EIF3B: variants seen among roughly 807,000 people sequenced by gnomAD.
EIF3B encodes the protein eukaryotic translation initiation factor 3 subunit 9.
In EIF3B, 10 loss-of-function variants were observed where a neutral mutation model predicts 104.6. That is an observed-to-expected ratio of 0.10 (90% CI 0.06 to 0.16). The LOEUF (loss-of-function observed/expected upper bound fraction) is 0.16. EIF3B is among the 10% of genes least tolerant of loss of function. EIF3B has a pLI of 1.00. For synonymous variants in EIF3B, 542 were observed against 417.2 expected (o/e 1.30, Z -3.65); for missense variants, 1,014 against 1,087.9 (o/e 0.93, Z 0.96).
chr7:2,369,170 A>G (rs1282717645), intron 9 of EIF3B, among the ~76,000 whole-genome samples: 2 of 152,214 alleles, frequency 1.3e-5, no homozygotes, highest in African/African-American at 4.8e-5. Context: ...CGGTGTCTTA[A>G]GAGTGGGCTG....
Position 2,363,105 on chromosome 7 carries a change from A to C in EIF3B, c.848A>C (p.Glu283Ala), listed in dbSNP as rs764959863. The C allele has an allele frequency of 6.2e-7, 1 of 1,614,068 alleles. No homozygotes were observed. The highest frequency in any genetic ancestry group is 1.1e-5 in the South Asian group (1 of 91,078). Residue 283 changes from glutamate to alanine, a missense_variant, in exon 4 of 19, where the codon GAG becomes GCG. This residue lies in a region of EIF3B where 488 missense variants were observed against 404.3 expected (regional missense o/e 1.21). Transcript: ENST00000360876. Reference protein sequence around the residue: ...MTISDEWDIPEKQPFKDLGNL... With the variant: ...MTISDEWDIPAKQPFKDLGNL... ...ATCAGTGACGAGTGGGATATTCCAG[A>C]GAAACAGCCTTTCAAAGACCTGGTG...
Position 2,354,897 on chromosome 7 carries a change from C to T in EIF3B, c.-25C>T, listed in dbSNP as rs1019506769. The stretch of plus-strand genomic sequence containing the variant: ...GTCGGAAGCGCGGCGGCCGCGGAGC[C>T]CTGCGAGTAGGCAGCGTTGGGCCCA... On this transcript the variant is annotated 5_prime_UTR_variant, in exon 1 of 19. Transcript: ENST00000360876. 10 of 1,176,588 alleles carry T rather than the reference C, an allele frequency of 8.5e-6. No individual in the cohort carries two copies. The highest frequency in any genetic ancestry group is 3.3e-5 in the African/African-American group (2 of 61,406). The allele number at this position is 1,176,588 out of a possible 1,614,324, so 72.9% of individuals were successfully genotyped here.
chr7:2,359,830 C>T (rs965430696), intron 1 of EIF3B, among the ~76,000 whole-genome samples: 2 of 152,140 alleles, frequency 1.3e-5, no homozygotes, highest in African/African-American at 4.8e-5. Context: ...GCTGGTGGCC[C>T]CTGGAGAACT....
At chr7:2,377,105 G>C (rs1255383601) in intron 15 of EIF3B, 30 bp downstream of exon 15, 1 of 1,576,260 alleles carries the variant, frequency 6.3e-7, no homozygotes, top group African/African-American at 1.4e-5. Flanking sequence ...CGGGTGCAGG[G>C]CACATGGAGG....
At chr7:2,355,455 C>T (rs768521349) in intron 1 of EIF3B, 35 bp downstream of exon 1, 9 of 1,410,452 alleles carry the variant, frequency 6.4e-6, no homozygotes, top group Middle Eastern at 1.9e-4. Flanking sequence ...GCGAGCGGCG[C>T]GGGAGCGTGG....
intron 1 of EIF3B, among the ~76,000 whole-genome samples, chr7:2,360,079 C>T (rs373505467): frequency 6.6e-6 from 1 of 152,172 alleles, no homozygotes; most frequent in Non-Finnish European, 1.5e-5. Context: ...TTCCCCATCC[C>T]CTGTGAATGG....
chr7:2,365,595 G>T (rs569069290), intron 6 of EIF3B, among the ~76,000 whole-genome samples: 1 of 152,230 alleles, frequency 6.6e-6, no homozygotes, highest in South Asian at 2.1e-4. Flanking sequence ...GGAGCCCCCA[G>T]GCTCTGAAGT....
intron 16 of EIF3B, 150 bp from the exon 17 acceptor site, chr7:2,378,984 G>T: frequency 2.6e-6 from 2 of 776,898 alleles, no homozygotes; most frequent in Non-Finnish European, 2.1e-6. Context: ...GGGCAGCGTT[G>T]GGGGAAAAGT....
At chr7:2,367,096 C>T in intron 9 of EIF3B, 51 bp downstream of exon 9, 1 of 731,004 alleles carries the variant, frequency 1.4e-6, no homozygotes, top group Middle Eastern at 3.1e-4. Flanking sequence ...CTGCTTAACA[C>T]AATACCAAAA....
chr7:2,355,392 G>A lies in EIF3B; in HGVS notation c.471G>A (p.Glu157=). 2.0e-6 allele frequency: 3 copies of A among 1,493,406 alleles called. No homozygotes were observed. The highest frequency in any genetic ancestry group is 1.4e-5 in the African/African-American group (1 of 70,170). The allele number at this position is 1,493,406 out of a possible 1,614,324, so 92.5% of individuals were successfully genotyped here. Residue 157 remains glutamate (E), a synonymous_variant, in exon 1 of 19, where the codon GAG becomes GAA. Coordinates refer to ENST00000360876, the MANE Select transcript of EIF3B (RefSeq NM_001037283.2). ...DADEPSFSDP[E]DFVDDVSEEE... ...ACGAGCCCTCCTTCAGCGACCCCGA[G>A]GACTTCGTGGACGACGTGAGCGAGG...
At position 2,364,500 on chromosome 7, in the gene EIF3B, T is replaced by C. The variant is rs61742669; in HGVS notation, c.1128T>C (p.Val376=). ...TTCAGAGATTCAGCCACCAAGGGGT[T>C]CAGCTTATTGACTTCTCACCTTGTG... ...KQIQRFSHQG[V]QLIDFSPCER... Residue 376 remains valine (V), a synonymous_variant, in exon 6 of 19, where the codon GTT becomes GTC. Transcript: ENST00000360876. 2.4e-3 allele frequency: 3,903 copies of C among 1,613,242 alleles called. 71 individuals carry two copies. The African/African-American group carries it at 0.043, about 18-fold the overall frequency.
chr7:2,356,822 T>C (rs188639630), intron 1 of EIF3B, among the ~76,000 whole-genome samples: 1 of 151,998 alleles, frequency 6.6e-6, no homozygotes, highest in Admixed American at 6.6e-5. Context: ...ATAAAAACGC[T>C]GTCAGTTACT....
chr7:2,356,425 C>A (rs1019737885), intron 1 of EIF3B, among the ~76,000 whole-genome samples: 6 of 151,846 alleles, frequency 4.0e-5, no homozygotes, highest in Admixed American at 2.0e-4. Flanking sequence ...CACGGTGAAA[C>A]CCCGTCTCTA....
At chr7:2,369,875 CA>C (rs1780229871) in intron 10 of EIF3B, among the ~76,000 whole-genome samples, 193 bp downstream of exon 10, 1 of 130,274 alleles carries the variant, frequency 7.7e-6, no homozygotes, top group African/African-American at 2.9e-5. Context: ...CTCCTGGTTT[CA>C]AATGATTCTT....
In EIF3B at chr7:2,379,255, T is replaced by C. The variant is rs1365402718; in HGVS notation, c.2341+13T>C. ...GAGTTGCGAGGAGGTAACTTAGAGA[T>C]CCCTCAGTCCCCAGGAGCTGGCCCT... On this transcript the variant is annotated intron_variant, in intron 17 of 18. Transcript: ENST00000360876. 1.9e-6 allele frequency: 3 copies of C among 1,605,300 alleles called. No individual in the cohort carries two copies. Among genetic ancestry groups the C allele is most frequent in the African/African-American group, 1.3e-5 (1 of 74,598 alleles).
chr7:2,369,347 C>G, intron 9 of EIF3B, 125 bp from the exon 10 acceptor site: 2 of 1,007,080 alleles, frequency 2.0e-6, no homozygotes, highest in South Asian at 1.5e-5. Flanking sequence ...GCAGAGGGAG[C>G]GCTCAGCGTC....
intron 2 of EIF3B, 30 bp from the exon 3 acceptor site, chr7:2,362,615 G>A: frequency 6.2e-7 from 1 of 1,613,734 alleles, no homozygotes; most frequent in African/African-American, 1.3e-5. Context: ...TTACAGTGTG[G>A]GTATGTGCCA....
intron 12 of EIF3B, 117 bp from the exon 13 acceptor site, chr7:2,374,411 A>G: frequency 1.1e-6 from 1 of 871,806 alleles, no homozygotes; most frequent in Non-Finnish European, 1.8e-6. Flanking sequence ...GAGGTGGTCC[A>G]GCATTACCAG....
intron 1 of EIF3B, among the ~76,000 whole-genome samples, chr7:2,360,281 G>A (rs1171716600): frequency 6.6e-6 from 1 of 152,160 alleles, no homozygotes; most frequent in African/African-American, 2.4e-5. Context: ...AAAATCTTCT[G>A]TAAAAAGTCA....
Sources: allele counts gnomAD v4.1 joint callset (sites outside exome capture counted in the v4.1 genomes callset), GRCh38; gene constraint gnomAD v4.1.1; regional missense constraint gnomAD v4.1.1; transcripts MANE v1.5; gene names NCBI Gene and HGNC (gene_info 2026-07-23, HGNC 2026-07-21).